SAXO5: variants seen among roughly 807,000 people sequenced by gnomAD.
SAXO5 encodes testis expressed 45.
At chr19:7,499,543 C>T in the SAXO5 span, 4 of 152,422 alleles carry the variant, frequency 2.6e-5, no homozygotes, top group Non-Finnish European at 5.9e-5. Flanking sequence ...TGAGAAGACG[C>T]GGTTCTTGTA....
At chr19:7,504,238 G>T in the SAXO5 span, 7 of 1,614,036 alleles carry the variant, frequency 4.3e-6, no homozygotes, top group Non-Finnish European at 5.9e-6. Context: ...AATTGAGGCT[G>T]TGTTGGGGCT....
At chr19:7,504,380 G>T in the SAXO5 span, 1 of 1,614,172 alleles carries the variant, frequency 6.2e-7, no homozygotes, top group Non-Finnish European at 8.5e-7. Context: ...GCAGAAACAG[G>T]CCTACAGGCC....
the SAXO5 span, chr19:7,506,913 CT>C: frequency 5.1e-5 from 33 of 645,940 alleles, no homozygotes; most frequent in South Asian, 5.2e-4. Context: ...TCCCTCCCCC[CT>C]CTCCTAATCC....
At chr19:7,508,236 G>A in the SAXO5 span, 1 of 1,614,010 alleles carries the variant, frequency 6.2e-7, no homozygotes, top group South Asian at 1.1e-5. Flanking sequence ...GCCCCCTCTG[G>A]GTGGACTGCG....
the SAXO5 span, among the ~76,000 whole-genome samples, chr19:7,498,570 A>AT: frequency 6.6e-6 from 1 of 151,552 alleles, no homozygotes; most frequent in East Asian, 1.9e-4. Context: ...CTAATTTTGT[A>AT]TTTTTAGTAG....
chr19:7,504,210 T>C, the SAXO5 span: 3 of 1,613,958 alleles, frequency 1.9e-6, no homozygotes, highest in Non-Finnish European at 2.5e-6. Context: ...CCCACCTGCC[T>C]TGAGGTGTAA....
At chr19:7,502,667 C>G in the SAXO5 span, among the ~76,000 whole-genome samples, 1 of 152,100 alleles carries the variant, frequency 6.6e-6, no homozygotes, top group Admixed American at 6.6e-5. Context: ...CTAAGTTCCC[C>G]AGCTGTACAC....
At chr19:7,506,462 A>C in the SAXO5 span, 19 of 422,744 alleles carry the variant, frequency 4.5e-5, no homozygotes, top group East Asian at 1.7e-4. Flanking sequence ...CCCCTTCATA[A>C]CTCCATCCTT....
chr19:7,502,443 G>A, the SAXO5 span, among the ~76,000 whole-genome samples: 4 of 152,184 alleles, frequency 2.6e-5, no homozygotes, highest in African/African-American at 9.7e-5. Context: ...GATGGGCAGA[G>A]GTGCTACCAG....
the SAXO5 span, chr19:7,504,192 C>T: frequency 6.2e-7 from 1 of 1,614,080 alleles, no homozygotes; most frequent in African/African-American, 1.3e-5. Context: ...GTTCCAGGCC[C>T]TGCCAGGCCC....
At chr19:7,504,433 C>A in the SAXO5 span, 1 of 1,590,782 alleles carries the variant, frequency 6.3e-7, no homozygotes, top group Non-Finnish European at 8.6e-7. Context: ...CCACTGCGGG[C>A]ACGGTGGCTC....
At chr19:7,501,132 C>A in the SAXO5 span, 1 of 1,507,056 alleles carries the variant, frequency 6.6e-7, no homozygotes. Context: ...GGCGCGGGAA[C>A]GCACGCTCGC....
the SAXO5 span, among the ~76,000 whole-genome samples, chr19:7,503,551 C>T: frequency 1.3e-5 from 2 of 151,978 alleles, no homozygotes; most frequent in African/African-American, 2.4e-5. Context: ...GTGGCACGAT[C>T]TCGGCTCACT....
At chr19:7,501,592 C>CG in the SAXO5 span, among the ~76,000 whole-genome samples, 9 of 151,914 alleles carry the variant, frequency 5.9e-5, no homozygotes, top group East Asian at 1.9e-4. Context: ...GAGTTGGAGG[C>CG]GGGGGGATCG....
the SAXO5 span, among the ~76,000 whole-genome samples, chr19:7,507,322 CTTGTAATCCCAGCGCT>C: frequency 6.6e-6 from 1 of 152,278 alleles, no homozygotes; most frequent in Admixed American, 6.5e-5. Flanking sequence ...GTGGTTCACG[CTTGTAATCCCAGCGCT>C]TTGGGAGGCC....
chr19:7,501,851 AAAG>A, the SAXO5 span, among the ~76,000 whole-genome samples: 2 of 148,762 alleles, frequency 1.3e-5, no homozygotes, highest in African/African-American at 2.5e-5. Flanking sequence ...GGAAGAAGAG[AAAG>A]AAGAAAGAGA....
At chr19:7,507,005 C>T in the SAXO5 span, 1 of 1,481,250 alleles carries the variant, frequency 6.8e-7, no homozygotes, top group Non-Finnish European at 9.4e-7. Flanking sequence ...ACACCCTCAG[C>T]CCCGCCTCGG....
the SAXO5 span, chr19:7,499,981 C>T: frequency 1.3e-5 from 1 of 78,236 alleles, no homozygotes; most frequent in Non-Finnish European, 2.8e-5. Context: ...CGGGGTCCCA[C>T]TATATTGCCC....
the SAXO5 span, chr19:7,499,895 T>A: frequency 6.7e-6 from 1 of 149,980 alleles, no homozygotes; most frequent in Admixed American, 6.7e-5. Context: ...GAGGACCGTT[T>A]GAGCCCAAGA....
Sources: gnomAD v4.1 joint callset for allele counts (sites outside exome capture counted in the v4.1 genomes callset) on GRCh38, gnomAD v4.1.1 for gene constraint, MANE v1.5 for transcripts, NCBI Gene and HGNC (gene_info 2026-07-23, HGNC 2026-07-21) for gene names.